ZNF483: variants seen among roughly 807,000 people sequenced by gnomAD.
The protein encoded by ZNF483 is zinc finger protein 483.
In ZNF483, 9 loss-of-function variants were observed where a neutral mutation model predicts 28.6. The ratio of observed to expected loss-of-function variants is 0.32; its 90% CI spans 0.19 to 0.55. The LOEUF (loss-of-function observed/expected upper bound fraction) is 0.55, where lower values mean the gene tolerates loss of function less well. Ranked by LOEUF, ZNF483 falls within the 20% of genes least tolerant of loss-of-function variation. ZNF483 has a pLI of 0.93. For synonymous variants in ZNF483, 322 were observed against 306.2 expected (o/e 1.05, Z -0.54); for missense variants, 675 against 871.7 (o/e 0.77, Z 2.84).
chr9:111,531,370 A>G (rs765398437), intron 3 of ZNF483, among the ~76,000 whole-genome samples: 1 of 151,978 alleles, frequency 6.6e-6, no homozygotes, highest in African/African-American at 2.4e-5. Flanking sequence ...ATAGAAGTTC[A>G]TTTCCTTCTT....
At chr9:111,528,661 G>GT (rs1003007243) in intron 2 of ZNF483, among the ~76,000 whole-genome samples, 2 of 152,138 alleles carry the variant, frequency 1.3e-5, no homozygotes, top group Non-Finnish European at 2.9e-5. Flanking sequence ...TGACATATGT[G>GT]TGACAGTTTG....
intron 3 of ZNF483, among the ~76,000 whole-genome samples, 174 bp downstream of exon 3, chr9:111,531,137 T>C (rs1827335641): frequency 6.6e-6 from 1 of 151,934 alleles, no homozygotes; most frequent in South Asian, 2.1e-4. Context: ...AGGGTTGCAG[T>C]GAGCTATGAT....
intron 1 of ZNF483, among the ~76,000 whole-genome samples, chr9:111,525,736 T>C (rs1827170713): frequency 6.6e-6 from 1 of 152,142 alleles, no homozygotes; most frequent in Non-Finnish European, 1.5e-5. Context: ...AAACTCCCTG[T>C]AGACGGAGCC....
At chr9:111,537,200 A>C (rs1251115749) in intron 5 of ZNF483, among the ~76,000 whole-genome samples, 1 of 151,782 alleles carries the variant, frequency 6.6e-6, no homozygotes, top group Non-Finnish European at 1.5e-5. Context: ...TAAACTGCTT[A>C]TGTGGAGATG....
Position 111,551,836 on chromosome 9 carries a change from CA to C in ZNF483, c.*8667del, listed in dbSNP as rs1827969264. 6.6e-6 allele frequency among the ~76,000 whole-genome samples: 1 copy of C among 152,166 alleles called. No individual in the cohort carries two copies. Among genetic ancestry groups the C allele is most frequent in the South Asian group, 2.1e-4 (1 of 4,834 alleles). On this transcript the variant is annotated 3_prime_UTR_variant, in exon 6 of 6. Transcript: ENST00000309235. ...GTAACATATCAATTCAGTTTATTAGCATCAAATTTGATGAAGCAGTGCATAA... is the reference window on the plus strand; with the variant it reads ...GTAACATATCAATTCAGTTTATTAGCTCAAATTTGATGAAGCAGTGCATAA...
At chr9:111,560,345 G>C (rs1828236898), downstream of ZNF483, among the ~76,000 whole-genome samples, 1 of 151,746 alleles carries the variant, frequency 6.6e-6, no homozygotes. Flanking sequence ...GTGGTGGTGG[G>C]CGCCTGTAGT....
intron 3 of ZNF483, among the ~76,000 whole-genome samples, chr9:111,531,304 A>C (rs1232385181): frequency 1.3e-5 from 2 of 152,222 alleles, no homozygotes; most frequent in Admixed American, 6.5e-5. Context: ...ATTGTAATGA[A>C]ACAAAAACAC....
At chr9:111,574,918 T>C in intron 5 of ZNF483, 1 of 1,176,126 alleles carries the variant, frequency 8.5e-7, no homozygotes, top group Non-Finnish European at 1.2e-6. Flanking sequence ...GTCACAAGCA[T>C]TATTTTACAA....
At chr9:111,526,185 A>T (rs978561361) in intron 1 of ZNF483, among the ~76,000 whole-genome samples, 1 of 152,204 alleles carries the variant, frequency 6.6e-6, no homozygotes, top group African/African-American at 2.4e-5. Flanking sequence ...TTAAAGACGA[A>T]TAAAAGTTTG....
At chr9:111,573,009 A>G (rs951413171) in intron 5 of ZNF483, among the ~76,000 whole-genome samples, 5 of 152,136 alleles carry the variant, frequency 3.3e-5, no homozygotes, top group Non-Finnish European at 7.4e-5. Flanking sequence ...TAACAGTGGA[A>G]TATGTTAGAA....
rs1286741195 is a variant in ZNF483 at position 111,545,463 on chromosome 9, G to A, written c.*2293G>A. On this transcript the variant is annotated 3_prime_UTR_variant, in exon 6 of 6. Transcript: ENST00000309235. The stretch of plus-strand genomic sequence containing the variant: ...ACATATCATTAAAACCATTTCAAGT[G>A]TACAATTCAGTGAGTTTTAGTAAAT... 6.6e-6 allele frequency among the ~76,000 whole-genome samples: 1 copy of A among 152,024 alleles called. No homozygotes were observed. The highest frequency in any genetic ancestry group is 1.5e-5 in the Non-Finnish European group (1 of 68,020).
intron 1 of ZNF483, among the ~76,000 whole-genome samples, chr9:111,525,658 C>A (rs890125799): frequency 6.6e-6 from 1 of 152,064 alleles, no homozygotes; most frequent in Non-Finnish European, 1.5e-5. Flanking sequence ...GGGGTGAAAT[C>A]TCTCCTTTTT....
At chr9:111,557,226 T>G (rs147725815), downstream of ZNF483, among the ~76,000 whole-genome samples, 1 of 151,888 alleles carries the variant, frequency 6.6e-6, no homozygotes, top group East Asian at 2.0e-4. Flanking sequence ...ATCCAAAAAT[T>G]AGCCGGGCAT....
chr9:111,557,585 C>G (rs1329889453), downstream of ZNF483, among the ~76,000 whole-genome samples: 1 of 151,838 alleles, frequency 6.6e-6, no homozygotes, highest in Non-Finnish European at 1.5e-5. Flanking sequence ...GGCTGTGCCA[C>G]CATGCCCTGC....
At chr9:111,565,722 A>G (rs1828532315) in intron 5 of ZNF483, among the ~76,000 whole-genome samples, 2 of 152,150 alleles carry the variant, frequency 1.3e-5, no homozygotes, top group South Asian at 2.1e-4. Context: ...GTAGAGTCTC[A>G]TTATGTTGCC....
intron 5 of ZNF483, among the ~76,000 whole-genome samples, chr9:111,569,327 A>C (rs1828708057): frequency 6.6e-6 from 1 of 152,204 alleles, no homozygotes; most frequent in Admixed American, 6.5e-5. Flanking sequence ...GAGTCTGAGG[A>C]GGACCAATCA....
chr9:111,571,656 TTTTG>T (rs112914784), intron 5 of ZNF483, among the ~76,000 whole-genome samples: 34 of 151,392 alleles, frequency 2.2e-4, no homozygotes, highest in Admixed American at 7.3e-4. Flanking sequence ...TTTTTTTAGT[TTTTG>T]TTTGTTTGTT....
rs1433226114 is a variant in ZNF483 at position 111,544,596 on chromosome 9, T to C, written c.*1426T>C. Among the ~76,000 whole-genome samples the C allele has an allele frequency of 1.3e-5, 2 of 152,180 alleles. No individual in the cohort carries two copies. The highest frequency in any genetic ancestry group is 2.4e-5 in the African/African-American group (1 of 41,436). Reference sequence around the variant, plus strand: ...TTCCCACTGTATGAATGTTCTATTATAACCCCTACCATTTGGAGAATAGAT... The same window carrying C: ...TTCCCACTGTATGAATGTTCTATTACAACCCCTACCATTTGGAGAATAGAT... On this transcript the variant is annotated 3_prime_UTR_variant, in exon 6 of 6. Coordinates refer to ENST00000309235, the MANE Select transcript of ZNF483 (RefSeq NM_133464.5).
At chr9:111,565,991 CA>C (rs1298459350) in intron 5 of ZNF483, among the ~76,000 whole-genome samples, 5 of 152,032 alleles carry the variant, frequency 3.3e-5, no homozygotes, top group Admixed American at 6.6e-5. Context: ...GCAGGAGAAT[CA>C]CTTGAGGTCA....
Sources: gnomAD v4.1 joint callset for allele counts (sites outside exome capture counted in the v4.1 genomes callset) on GRCh38, gnomAD v4.1.1 for gene constraint, MANE v1.5 for transcripts, NCBI Gene and HGNC (gene_info 2026-07-23, HGNC 2026-07-21) for gene names.